WNT5B: variants seen among roughly 807,000 people sequenced by gnomAD.
WNT5B encodes the protein Wnt family member 5B.
In WNT5B, 18 loss-of-function variants were observed where a neutral mutation model predicts 36.5. That is an observed-to-expected ratio of 0.49 (90% confidence interval 0.34 to 0.73). The LOEUF (loss-of-function observed/expected upper bound fraction) is 0.73, where lower values mean the gene tolerates loss of function less well. WNT5B is among the 30% of genes least tolerant of loss of function. The pLI, the probability that WNT5B is intolerant of heterozygous loss-of-function variation, is 0.01. For missense variants in WNT5B, 424 were observed against 508.4 expected, an observed-to-expected ratio of 0.83 and a Z score of 1.60; for synonymous variants, 213 against 212.3, an observed-to-expected ratio of 1.00 and a Z score of -0.03.
chr12:1,639,399 A>G (rs897632364), intron 3 of WNT5B, among the ~76,000 whole-genome samples: 1 of 149,968 alleles, frequency 6.7e-6, no homozygotes, highest in Non-Finnish European at 1.5e-5. Flanking sequence ...CGGCCTCCCA[A>G]AGGGCTGGGA....
At chr12:1,637,977 G>T (rs1035810165) in intron 3 of WNT5B, among the ~76,000 whole-genome samples, 2 of 152,138 alleles carry the variant, frequency 1.3e-5, no homozygotes, top group Non-Finnish European at 2.9e-5. Context: ...GGCCAGGCAC[G>T]GTGGCTCACG....
At position 1,646,255 on chromosome 12, in the gene WNT5B, C is replaced by A. The variant is rs369888088; in HGVS notation, c.*3C>A. ...TGGACCAGTACATCTGTAAATAGCC[C>A]GGAGGGCCTGCTCCCGGCCCCCCTG... On this transcript the variant is annotated 3_prime_UTR_variant, in exon 5 of 5. Transcript: ENST00000397196. 1 of 1,603,364 alleles carries A rather than the reference C, an allele frequency of 6.2e-7. No individual in the cohort carries two copies. Among genetic ancestry groups the A allele is most frequent in the Admixed American group, 1.7e-5 (1 of 59,506 alleles).
Position 1,635,528 on chromosome 12 carries a change from C to T in WNT5B, c.328+2623C>T, listed in dbSNP as rs574613222. Among the ~76,000 whole-genome samples, 11 of 152,330 alleles carry T rather than the reference C, an allele frequency of 7.2e-5. No individual in the cohort carries two copies. In the South Asian group the frequency reaches 2.1e-3, roughly 29 times the overall value. ...GAAGGAGCATTCTGGTGATTGGAGT[C>T]ATTTGAAAAAGATGGAATGGATTGC... On this transcript the variant is annotated intron_variant, in intron 3 of 4. Transcript: ENST00000397196.
chr12:1,631,563 C>G (rs2094550907), intron 2 of WNT5B, 129 bp downstream of exon 2: 1 of 1,416,194 alleles, frequency 7.1e-7, no homozygotes, highest in Non-Finnish European at 9.5e-7. Flanking sequence ...CCTCTTTTAT[C>G]CCAGGAAAAC....
At chr12:1,640,903 C>T (rs11061891) in intron 4 of WNT5B, among the ~76,000 whole-genome samples, 4,572 of 152,328 alleles carry the variant, frequency 0.03, 177 homozygotes, top group East Asian at 0.087. Context: ...GGCGTCCACC[C>T]GGGTTTCCTC....
At chr12:1,623,442 G>T (rs906343469) in intron 1 of WNT5B, among the ~76,000 whole-genome samples, 1 of 151,920 alleles carries the variant, frequency 6.6e-6, no homozygotes, top group Admixed American at 6.6e-5. Context: ...TGATCCGCCC[G>T]CCTCGGCCTC....
chr12:1,641,993 C>T (rs2094576344), intron 4 of WNT5B, among the ~76,000 whole-genome samples: 1 of 152,180 alleles, frequency 6.6e-6, no homozygotes, highest in Admixed American at 6.5e-5. Context: ...GGGTTATATG[C>T]CCAGGGTCTT....
At chr12:1,642,435 C>G (rs1592538668) in intron 4 of WNT5B, among the ~76,000 whole-genome samples, 1 of 152,348 alleles carries the variant, frequency 6.6e-6, no homozygotes, top group Non-Finnish European at 1.5e-5. Flanking sequence ...ATTCCTTACT[C>G]TATCTACCTT....
intron 1 of WNT5B, among the ~76,000 whole-genome samples, chr12:1,623,758 C>G (rs765148477): frequency 4.6e-5 from 7 of 152,170 alleles, no homozygotes; most frequent in African/African-American, 7.2e-5. Flanking sequence ...CACACCAAAC[C>G]AGGATCCACC....
Position 1,646,338 on chromosome 12 carries a change from G to C in WNT5B, c.*86G>C. On this transcript the variant is annotated 3_prime_UTR_variant, in exon 5 of 5. Transcript: ENST00000397196. ...ATCTATATAAATCTATTTTATATTT[G>C]TATAAGTAAATGGGTGGGTGCTATA... 1 of 1,149,868 alleles carries C rather than the reference G, an allele frequency of 8.7e-7. No individual in the cohort carries two copies. Among genetic ancestry groups the C allele is most frequent in the Non-Finnish European group, 1.1e-6 (1 of 876,742 alleles). The allele number at this position is 1,149,868 out of a possible 1,614,324, so 71.2% of individuals were successfully genotyped here.
chr12:1,642,009 C>T (rs1330006617), intron 4 of WNT5B, among the ~76,000 whole-genome samples: 3 of 152,176 alleles, frequency 2.0e-5, no homozygotes, highest in South Asian at 2.1e-4. Context: ...GTCTTCCTTA[C>T]GCTTCCCCTA....
chr12:1,617,693 G>T (rs1651506522), intron 1 of WNT5B, among the ~76,000 whole-genome samples: 1 of 152,194 alleles, frequency 6.6e-6, no homozygotes. Flanking sequence ...TTTGGAACAT[G>T]ACTTGTGAAT....
rs189961845 is a variant in WNT5B, at chr12:1,631,172, C to G, written c.-57-126C>G. The G allele has an allele frequency of 3.8e-3, 3,101 of 815,290 alleles. 13 individuals are homozygous for G. Among genetic ancestry groups the G allele is most frequent in the Middle Eastern group, 5.6e-3 (21 of 3,722 alleles). The allele number at this position is 815,290 out of a possible 1,614,324, so 50.5% of individuals were successfully genotyped here. On this transcript the variant is annotated intron_variant, in intron 1 of 4. Transcript: ENST00000397196. ...TGGGAGGCGGAGGCTGGAAAGAGGC[C>G]GAGCTTCTTTGTGGGGAACACGCAG...
At chr12:1,629,050 A>ATTTT (rs1565605498), upstream of WNT5B, 2 of 146,060 alleles carry the variant, frequency 1.4e-5, no homozygotes, top group African/African-American at 5.1e-5. Flanking sequence ...GCAATTTTTA[A>ATTTT]AAAAAAAAAC....
Position 1,630,231 on chromosome 12 carries a change from G to C in WNT5B, c.-58+860G>C, listed in dbSNP as rs1592523531. 3.0e-6 allele frequency: 3 copies of C among 985,364 alleles called. No individual in the cohort carries two copies. Among genetic ancestry groups the C allele is most frequent in the South Asian group, 4.7e-5 (1 of 21,292 alleles). The allele number at this position is 985,364 out of a possible 1,614,324, so 61.0% of individuals were successfully genotyped here. On this transcript the variant is annotated intron_variant, in intron 1 of 4. Transcript: ENST00000397196. This position sits in a 1 kb window ranked among gnomAD's most constrained non-coding sequence, Gnocchi z 5.3. The stretch of plus-strand genomic sequence containing the variant: ...GCGCGGGGCTGCGCTCGTCAGGTCC[G>C]GGGCCCCGGGGAGGCCGCTGGGGGC...
rs576601161 is a variant in WNT5B at position 1,640,083 on chromosome 12, C to T, written c.621+107C>T. 1.6e-4 allele frequency: 205 copies of T among 1,318,208 alleles called. 3 individuals are homozygous for T. The South Asian group carries it at 2.6e-3, about 17-fold the overall frequency. 81.7% of individuals were successfully genotyped at this position (1,318,208 alleles called of 1,614,324 possible). ...CTTCAAGGAAACGGGTTAGTCTGACCGTGAAGATTCTTACCTACGATTGCA... is the reference window on the plus strand; with the variant it reads ...CTTCAAGGAAACGGGTTAGTCTGACTGTGAAGATTCTTACCTACGATTGCA... On this transcript the variant is annotated intron_variant, in intron 4 of 4. Coordinates refer to ENST00000397196, the MANE Select transcript of WNT5B (RefSeq NM_032642.3).
At chr12:1,640,143 T>C (rs2094572094) in intron 4 of WNT5B, among the ~76,000 whole-genome samples, 167 bp downstream of exon 4, 1 of 152,256 alleles carries the variant, frequency 6.6e-6, no homozygotes, top group Non-Finnish European at 1.5e-5. Context: ...CAAATCCTTT[T>C]CAAAATGCCC....
intron 1 of WNT5B, among the ~76,000 whole-genome samples, chr12:1,629,669 C>T (rs2094546417): frequency 6.6e-6 from 1 of 152,062 alleles, no homozygotes; most frequent in African/African-American, 2.4e-5. Context: ...CTCTCGTCCT[C>T]CCTACTCGGG....
At position 1,633,279 on chromosome 12, in the gene WNT5B, GC is replaced by G. The variant is rs1027609879; in HGVS notation, c.328+376del. On this transcript the variant is annotated intron_variant, in intron 3 of 4. Transcript: ENST00000397196. The surrounding 1 kb of genome is among the most constrained non-coding windows in gnomAD (Gnocchi z 4.8). ...CCTTTGTGTCTCAGTGCAAAAAAGA[GC>G]CTTGGGTAGAGAACCAGAAATTGCA... Among the ~76,000 whole-genome samples the G allele has an allele frequency of 2.6e-4, 40 of 152,290 alleles. No homozygotes were observed. The highest frequency in any genetic ancestry group is 7.9e-4 in the African/African-American group (33 of 41,562).
Sources: gnomAD v4.1 joint callset for allele counts (sites outside exome capture counted in the v4.1 genomes callset) on GRCh38, gnomAD v4.1.1 for gene constraint, Gnocchi (gnomAD v3.1) non-coding constraint, MANE v1.5 for transcripts, NCBI Gene and HGNC (gene_info 2026-07-23, HGNC 2026-07-21) for gene names.